Variants in GDPD4 observed in about 807,000 individuals in gnomAD.
GDPD4 encodes glycerophosphodiester phosphodiesterase domain containing 4.
GDPD4 carries 60 observed loss-of-function variants against 67.8 expected under a neutral mutation model. The ratio of observed to expected loss-of-function variants is 0.88; its 90% CI spans 0.72 to 1.10. GDPD4 has a LOEUF of 1.10. GDPD4 is among the 50% of genes least tolerant of loss of function. The pLI, the probability that GDPD4 is intolerant of heterozygous loss-of-function variation, is 0.00. For synonymous variants in GDPD4, 212 were observed against 210.9 expected, an observed-to-expected ratio of 1.00 and a Z score of -0.04; for missense variants, 623 against 613.9, an observed-to-expected ratio of 1.01 and a Z score of -0.16.
chr11:77,219,021 T>A (rs1327122659), intron 16 of GDPD4, among the ~76,000 whole-genome samples: 2 of 152,218 alleles, frequency 1.3e-5, no homozygotes, highest in African/African-American at 4.8e-5. Context: ...TGTAAAAGTG[T>A]TCCTATTTCT....
chr11:77,291,939 A>C (rs925626423), intron 1 of GDPD4, among the ~76,000 whole-genome samples: 3 of 152,188 alleles, frequency 2.0e-5, no homozygotes, highest in Admixed American at 6.5e-5. Context: ...CTGAGGCAGG[A>C]GAATTGCTTG....
At position 77,271,315 on chromosome 11, in the gene GDPD4, C is replaced by A. The variant is rs749945929; in HGVS notation, c.286G>T (p.Val96Leu). ...ICKFWKERWL[V>L]AGLSMQIFAP... ...CTTACCTGCATTGACAGCCCAGCTA[C>A]CAGCCACCTTTCTTTCCAGAATTTG... The change falls in exon 6 of 17, where the codon GTA (valine) becomes TTA (leucine). Residue 96 changes from valine to leucine, a missense_variant. By Grantham distance (32) the Val-to-Leu change is conservative. Coordinates refer to ENST00000315938, the MANE Select transcript of GDPD4 (RefSeq NM_182833.3). 1.9e-6 allele frequency: 3 copies of A among 1,613,432 alleles called. No individual in the cohort carries two copies. Among genetic ancestry groups the A allele is most frequent in the South Asian group, 1.1e-5 (1 of 91,066 alleles).
intron 14 of GDPD4, among the ~76,000 whole-genome samples, chr11:77,229,640 A>G (rs960596022): frequency 9.2e-5 from 14 of 152,198 alleles, no homozygotes; most frequent in African/African-American, 3.4e-4. Flanking sequence ...GGCAGCTTTT[A>G]GTAATACAGG....
intron 3 of GDPD4, among the ~76,000 whole-genome samples, chr11:77,281,230 CCCT>C (rs1959739764): frequency 6.6e-6 from 1 of 152,156 alleles, no homozygotes; most frequent in African/African-American, 2.4e-5. Context: ...AGGACCCCTT[CCCT>C]CCTTTCTCAC....
chr11:77,267,628 A>G (rs1378308604), intron 10 of GDPD4, among the ~76,000 whole-genome samples: 1 of 152,068 alleles, frequency 6.6e-6, no homozygotes, highest in Non-Finnish European at 1.5e-5. Flanking sequence ...TATTTCGTCC[A>G]TTTTCTAATT....
At chr11:77,275,506 G>A (rs1959419457) in intron 5 of GDPD4, among the ~76,000 whole-genome samples, 1 of 152,120 alleles carries the variant, frequency 6.6e-6, no homozygotes, top group Non-Finnish European at 1.5e-5. Context: ...TATAGTCAAG[G>A]TTCTCAGTAG....
Position 77,241,631 on chromosome 11 carries a change from C to T in GDPD4, c.1241+2063G>A, listed in dbSNP as rs750652000. 7.8e-4 allele frequency among the ~76,000 whole-genome samples: 74 copies of T among 95,312 alleles called. 1 individual carries two copies. The highest frequency in any genetic ancestry group is 1.2e-3 in the Non-Finnish European group (62 of 51,410). The allele number at this position is 95,312 out of a possible 152,430, so 62.5% of individuals were successfully genotyped here. A position where few individuals can be genotyped will look rare whatever the true frequency, so the allele number is the denominator to read the frequency against. On this transcript the variant is annotated intron_variant, in intron 13 of 16. Transcript: ENST00000315938. Reference sequence around the variant, plus strand: ...TCAGCCTGGGTGACAAAACAAGACCCTGTCTTTAAAAAAAAAAAAAAAAAA... The same window carrying T: ...TCAGCCTGGGTGACAAAACAAGACCTTGTCTTTAAAAAAAAAAAAAAAAAA...
chr11:77,245,535 G>C, intron 11 of GDPD4, 33 bp from the exon 12 acceptor site: 1 of 1,482,564 alleles, frequency 6.7e-7, no homozygotes, highest in African/African-American at 1.4e-5. Context: ...ATACATAAAA[G>C]CACTTTCCAG....
rs928379489 is a variant in GDPD4 at position 77,277,569 on chromosome 11, AT to A, written c.148-1350del. On this transcript the variant is annotated intron_variant, in intron 4 of 16. Transcript: ENST00000315938. The stretch of plus-strand genomic sequence containing the variant: ...GGGCGCCCGCCACCACGCCTGGCTA[AT>A]TTTTTTTTATATTTTTAGTAGAGAC... 1.1e-4 allele frequency among the ~76,000 whole-genome samples: 17 copies of A among 149,716 alleles called. No individual in the cohort carries two copies. In the East Asian group the frequency reaches 2.4e-3, roughly 21 times the overall value.
intron 13 of GDPD4, among the ~76,000 whole-genome samples, chr11:77,234,070 C>A (rs1377388020): frequency 6.6e-6 from 1 of 152,070 alleles, no homozygotes; most frequent in African/African-American, 2.4e-5. Context: ...TTTCAACTCT[C>A]AAATGGTATG....
intron 12 of GDPD4, among the ~76,000 whole-genome samples, chr11:77,244,496 T>C (rs1396740013): frequency 2.0e-5 from 3 of 152,162 alleles, no homozygotes; most frequent in African/African-American, 4.8e-5. Context: ...TTGATAGATA[T>C]GGGTGAATAG....
At chr11:77,296,004 C>T (rs929931045) in intron 1 of GDPD4, among the ~76,000 whole-genome samples, 10 of 152,010 alleles carry the variant, frequency 6.6e-5, no homozygotes, top group African/African-American at 2.4e-4. Flanking sequence ...GTAATCCCAG[C>T]ACTTTGGGAG....
intron 7 of GDPD4, among the ~76,000 whole-genome samples, chr11:77,270,502 G>C (rs1160771472): frequency 2.6e-5 from 4 of 152,174 alleles, no homozygotes; most frequent in African/African-American, 7.2e-5. Flanking sequence ...CGGATCACGA[G>C]GTTAAGAGAT....
At chr11:77,250,992 G>A (rs1183245451) in intron 11 of GDPD4, among the ~76,000 whole-genome samples, 1 of 151,964 alleles carries the variant, frequency 6.6e-6, no homozygotes, top group Non-Finnish European at 1.5e-5. Flanking sequence ...TTTGGTTTCT[G>A]TTTGCATGGA....
intron 13 of GDPD4, among the ~76,000 whole-genome samples, chr11:77,242,558 G>A (rs992433814): frequency 6.6e-6 from 1 of 151,968 alleles, no homozygotes; most frequent in African/African-American, 2.4e-5. Flanking sequence ...TGATGGCTAG[G>A]CCAGGTCTAG....
intron 1 of GDPD4, among the ~76,000 whole-genome samples, chr11:77,294,433 A>T (rs1421398322): frequency 6.6e-6 from 1 of 152,228 alleles, no homozygotes; most frequent in Non-Finnish European, 1.5e-5. Flanking sequence ...CAGGATCTGC[A>T]TGCTGAAAAC....
intron 16 of GDPD4, among the ~76,000 whole-genome samples, chr11:77,222,710 T>TG (rs1375344536): frequency 6.6e-6 from 1 of 152,196 alleles, no homozygotes; most frequent in Non-Finnish European, 1.5e-5. Context: ...TTATGTGTCC[T>TG]GGGGTTGCTC....
At chr11:77,219,129 C>T (rs1315545387) in intron 16 of GDPD4, among the ~76,000 whole-genome samples, 1 of 152,178 alleles carries the variant, frequency 6.6e-6, no homozygotes, top group African/African-American at 2.4e-5. Context: ...TTTTGCATTT[C>T]TCACATGATC....
At position 77,226,687 on chromosome 11, in the gene GDPD4, C is replaced by T. The variant is rs202149916; in HGVS notation, c.1525+1177G>A. Among the ~76,000 whole-genome samples, 12 of 152,282 alleles carry T rather than the reference C, an allele frequency of 7.9e-5. No homozygotes were observed. The East Asian group carries it at 1.7e-3, about 22-fold the overall frequency. On this transcript the variant is annotated intron_variant, in intron 16 of 16. Coordinates refer to ENST00000315938, the MANE Select transcript of GDPD4 (RefSeq NM_182833.3). ...GATATAATCATAAACTAGCTGCAAT[C>T]GTCAGTTAGCTTCAGACTTTGTAAC... is the stretch of plus-strand genomic sequence containing the variant.
Sources: gnomAD v4.1 joint callset for allele counts (sites outside exome capture counted in the v4.1 genomes callset) on GRCh38, gnomAD v4.1.1 for gene constraint, MANE v1.5 for transcripts, NCBI Gene and HGNC (gene_info 2026-07-23, HGNC 2026-07-21) for gene names.